Variants in CNBD1 observed in about 807,000 individuals in gnomAD.
CNBD1 encodes the protein cyclic nucleotide-binding domain-containing protein 1.
Under a neutral mutation model 54.4 loss-of-function variants are expected in CNBD1, and 71 were observed. That is an observed-to-expected ratio of 1.30 (90% CI 1.08 to 1.59). The LOEUF is 1.59. Among genes scored for constraint, CNBD1 ranks in the 40% most tolerant of loss-of-function variants. CNBD1 has a pLI of 0.00. For synonymous variants in CNBD1, 182 were observed against 170.7 expected (o/e 1.07, Z -0.51); for missense variants, 659 against 518.0 (o/e 1.27, Z -2.64).
At chr8:87,350,544 C>T (rs1206124684) in intron 8 of CNBD1, among the ~76,000 whole-genome samples, 2 of 151,664 alleles carry the variant, frequency 1.3e-5, no homozygotes, top group African/African-American at 2.4e-5. Flanking sequence ...AAGAATTATG[C>T]TGTGCTCTAA....
At chr8:86,915,472 T>A (rs1809169313) in intron 3 of CNBD1, among the ~76,000 whole-genome samples, 1 of 152,176 alleles carries the variant, frequency 6.6e-6, no homozygotes, top group Non-Finnish European at 1.5e-5. Context: ...TGCAGTTGAG[T>A]TTTGGGGAAG....
chr8:87,375,551 T>TAG (rs1810910354), intron 10 of CNBD1, among the ~76,000 whole-genome samples: 1 of 151,856 alleles, frequency 6.6e-6, no homozygotes, highest in African/African-American at 2.4e-5. Context: ...TTTTTATATA[T>TAG]AGTTTAGGTA....
chr8:87,300,329 T>C (rs1315855451), intron 8 of CNBD1, among the ~76,000 whole-genome samples: 1 of 152,092 alleles, frequency 6.6e-6, no homozygotes, highest in African/African-American at 2.4e-5. Context: ...GAATTATATC[T>C]CGATCAATAA....
Position 87,284,939 on chromosome 8 carries a change from C to T in CNBD1, c.909+124C>T, listed in dbSNP as rs932639451. The T allele has an allele frequency of 1.2e-5, 8 of 680,042 alleles. No homozygotes were observed. In the African/African-American group the frequency reaches 1.5e-4, roughly 12 times the overall value. 42.1% of individuals were successfully genotyped at this position (680,042 alleles called of 1,614,324 possible). On this transcript the variant is annotated intron_variant, in intron 7 of 10. Transcript: ENST00000518476. ...TTAAATTTTAATTTAACCTAGAGAC[C>T]ATAAAAATGTTATTTGACAAAAATC...
At chr8:87,234,613 T>C (rs1807534302) in intron 5 of CNBD1, among the ~76,000 whole-genome samples, 1 of 152,190 alleles carries the variant, frequency 6.6e-6, no homozygotes, top group Non-Finnish European at 1.5e-5. Context: ...TAGAATGCTA[T>C]AAAAAGATAT....
intron 4 of CNBD1, among the ~76,000 whole-genome samples, chr8:86,994,430 T>C (rs1808824456): frequency 6.6e-6 from 1 of 152,192 alleles, no homozygotes; most frequent in African/African-American, 2.4e-5. Context: ...GGTGGACAGC[T>C]GGGGCTAGAG....
At chr8:87,018,427 C>A (rs949676518) in intron 4 of CNBD1, among the ~76,000 whole-genome samples, 1 of 152,082 alleles carries the variant, frequency 6.6e-6, no homozygotes, top group Admixed American at 6.5e-5. Flanking sequence ...CAAAGCATAA[C>A]ACTTAATACT....
intron 4 of CNBD1, among the ~76,000 whole-genome samples, chr8:87,160,861 G>A (rs1336351487): frequency 1.3e-5 from 2 of 152,086 alleles, no homozygotes; most frequent in Non-Finnish European, 2.9e-5. Context: ...ACTCTTTGAT[G>A]ATTGGCTATG....
intron 4 of CNBD1, among the ~76,000 whole-genome samples, chr8:87,103,073 TGAG>T (rs1426003518): frequency 6.6e-6 from 1 of 152,152 alleles, no homozygotes; most frequent in Non-Finnish European, 1.5e-5. Context: ...AAGAAGATGA[TGAG>T]TTTAGTCTTA....
intron 4 of CNBD1, among the ~76,000 whole-genome samples, chr8:87,123,397 C>T (rs1322592765): frequency 1.3e-5 from 2 of 151,550 alleles, no homozygotes; most frequent in African/African-American, 2.4e-5. Context: ...GGAAATTAAA[C>T]ACGATGCTCC....
intron 2 of CNBD1, among the ~76,000 whole-genome samples, chr8:87,399,151 A>G (rs964653634): frequency 3.9e-5 from 6 of 152,022 alleles, no homozygotes; most frequent in Admixed American, 3.3e-4. Flanking sequence ...TACCAGTTTA[A>G]CCTGAGATGA....
intron 2 of CNBD1, among the ~76,000 whole-genome samples, chr8:87,411,479 G>A (rs1807746686): frequency 7.1e-6 from 1 of 140,570 alleles, no homozygotes; most frequent in Non-Finnish European, 1.5e-5. Flanking sequence ...TCCAAACATT[G>A]TATTATTGCC....
At chr8:87,336,240 C>T (rs1454105574) in intron 8 of CNBD1, among the ~76,000 whole-genome samples, 2 of 152,126 alleles carry the variant, frequency 1.3e-5, no homozygotes, top group Non-Finnish European at 2.9e-5. Flanking sequence ...TGAATGTTGG[C>T]TTGTCTTCCT....
intron 4 of CNBD1, among the ~76,000 whole-genome samples, chr8:87,132,808 C>CAT (rs202216215): frequency 0.047 from 6,857 of 145,322 alleles, 500 homozygotes; most frequent in African/African-American, 0.16. Flanking sequence ...TATATATATA[C>CAT]ATATATATAT....
intron 5 of CNBD1, among the ~76,000 whole-genome samples, chr8:87,228,688 C>A (rs1049058661): frequency 1.3e-5 from 2 of 151,708 alleles, no homozygotes; most frequent in African/African-American, 2.4e-5. Context: ...TTACTGCTGT[C>A]TTTTTGTTTG....
chr8:87,144,603 C>T (rs1000506622), intron 4 of CNBD1, among the ~76,000 whole-genome samples: 3 of 152,182 alleles, frequency 2.0e-5, no homozygotes, highest in South Asian at 4.1e-4. Flanking sequence ...AGGTGGATCA[C>T]CTGAGGTCAG....
At chr8:87,361,889 T>C (rs72668634) in intron 10 of CNBD1, among the ~76,000 whole-genome samples, 11,090 of 151,992 alleles carry the variant, frequency 0.073, 510 homozygotes, top group South Asian at 0.097. Context: ...AAAAGAACTT[T>C]CTTTAAATGA....
At chr8:87,192,995 C>G (rs781047419) in intron 4 of CNBD1, among the ~76,000 whole-genome samples, 1 of 152,114 alleles carries the variant, frequency 6.6e-6, no homozygotes, top group Non-Finnish European at 1.5e-5. Flanking sequence ...AATCGCTTCT[C>G]TATTTGACTT....
chr8:87,224,852 A>G (rs1337831022), intron 5 of CNBD1, among the ~76,000 whole-genome samples: 1 of 151,302 alleles, frequency 6.6e-6, no homozygotes, highest in Non-Finnish European at 1.5e-5. Flanking sequence ...CATTTTCATG[A>G]TATTGATTCT....
Sources: gnomAD v4.1 joint callset for allele counts (sites outside exome capture counted in the v4.1 genomes callset) on GRCh38, gnomAD v4.1.1 for gene constraint, MANE v1.5 for transcripts, NCBI Gene and HGNC (gene_info 2026-07-23, HGNC 2026-07-21) for gene names.